The following MICU1 variants were observed in gnomAD, a reference collection of about 807,000 sequenced individuals.
The protein encoded by MICU1 is mitochondrial calcium uptake 1.
Under a neutral mutation model 56.8 loss-of-function variants are expected in MICU1, and 45 were observed. The ratio of observed to expected loss-of-function variants is 0.79; its 90% CI spans 0.62 to 1.02. The LOEUF is 1.02. Ranked by LOEUF, MICU1 falls within the 50% of genes least tolerant of loss-of-function variation. The pLI is 0.00. For synonymous variants in MICU1, 186 were observed against 195.1 expected, an observed-to-expected ratio of 0.95 and a Z score of 0.39; for missense variants, 504 against 587.1, an observed-to-expected ratio of 0.86 and a Z score of 1.46.
At chr10:72,586,013 CTTTTTTTTTTT>C (rs71021511) in intron 1 of MICU1, among the ~76,000 whole-genome samples, 10 of 74,682 alleles carry the variant, frequency 1.3e-4, no homozygotes, top group African/African-American at 3.9e-4. Flanking sequence ...TTTTTTTTTT[CTTTTTTTTTTT>C]TTTTTTTTGA....
At chr10:72,386,588 C>G (rs1431336964) in intron 10 of MICU1, among the ~76,000 whole-genome samples, 1 of 131,350 alleles carries the variant, frequency 7.6e-6, no homozygotes, top group Non-Finnish European at 1.6e-5. Context: ...GATACAGTGT[C>G]TCATTCTGTC....
intron 10 of MICU1, among the ~76,000 whole-genome samples, chr10:72,377,667 C>G (rs983650015): frequency 1.3e-5 from 2 of 152,090 alleles, no homozygotes; most frequent in Non-Finnish European, 2.9e-5. Context: ...GTTATTGCTT[C>G]TGGACACATT....
intron 1 of MICU1, among the ~76,000 whole-genome samples, chr10:72,616,605 ACT>A (rs986118986): frequency 6.8e-6 from 1 of 147,398 alleles, no homozygotes; most frequent in African/African-American, 2.5e-5. Context: ...AAAAAAAAAG[ACT>A]CTACATAATG....
chr10:72,414,731 T>C (rs1863928129), intron 9 of MICU1, among the ~76,000 whole-genome samples: 1 of 152,224 alleles, frequency 6.6e-6, no homozygotes, highest in Non-Finnish European at 1.5e-5. Context: ...TTAAAAAATA[T>C]GAAGCAGTCA....
intron 6 of MICU1, among the ~76,000 whole-genome samples, chr10:72,480,624 G>A (rs528742269): frequency 6.6e-6 from 1 of 152,324 alleles, no homozygotes; most frequent in Admixed American, 6.5e-5. Context: ...ATATCCAGAG[G>A]AATACAGCCC....
Position 72,475,248 on chromosome 10 carries a change from T to A in MICU1, c.785A>T (p.Asp262Val), listed in dbSNP as rs1472735320. Residue 262 changes from aspartate (D) to valine (V), a missense_variant, in exon 8 of 12, where the codon GAT becomes GTT. Coordinates refer to ENST00000361114, the MANE Select transcript of MICU1 (RefSeq NM_001195518.2). The part of the protein sequence containing the change: ...SQTSMGMRHR[D>V]RPTTGNTLKS... ...GAGGGTGTTGCCAGTAGTTGGACGA[T>A]CTCTGTGGCGCATACCCATACTGGT... The A allele has an allele frequency of 1.2e-6, 2 of 1,609,942 alleles. No homozygotes were observed. The highest frequency in any genetic ancestry group is 1.7e-6 in the Non-Finnish European group (2 of 1,177,956).
intron 1 of MICU1, among the ~76,000 whole-genome samples, chr10:72,584,967 A>T (rs1841006414): frequency 6.6e-6 from 1 of 152,234 alleles, no homozygotes; most frequent in South Asian, 2.1e-4. Context: ...ATTGACTTGC[A>T]CAAGGAAAAG....
At chr10:72,443,283 T>C (rs1343400524) in intron 8 of MICU1, among the ~76,000 whole-genome samples, 1 of 152,168 alleles carries the variant, frequency 6.6e-6, no homozygotes, top group African/African-American at 2.4e-5. Context: ...CTTTGTCAGA[T>C]GAGTAGGTTG....
chr10:72,456,564 A>T (rs1865463264), intron 8 of MICU1, among the ~76,000 whole-genome samples: 1 of 152,184 alleles, frequency 6.6e-6, no homozygotes, highest in South Asian at 2.1e-4. Flanking sequence ...AAGCTTTTAG[A>T]CGACTAAAAT....
In MICU1 at chr10:72,451,879, T is replaced by C. The variant is rs139433716; in HGVS notation, c.933+23221A>G. 2.8e-3 allele frequency among the ~76,000 whole-genome samples: 426 copies of C among 152,176 alleles called. 3 individuals are homozygous for C. Among genetic ancestry groups the C allele is most frequent in the African/African-American group, 9.7e-3 (403 of 41,512 alleles). ...CATTAGTTAGATATTTTCTTTCTTTTTTTGAGATGGAGTCTCTCTCTGTCA... is the reference window on the plus strand; with the variant it reads ...CATTAGTTAGATATTTTCTTTCTTTCTTTGAGATGGAGTCTCTCTCTGTCA... On this transcript the variant is annotated intron_variant, in intron 8 of 11. Coordinates refer to ENST00000361114, the MANE Select transcript of MICU1 (RefSeq NM_001195518.2).
chr10:72,488,777 T>C (rs951600794), intron 6 of MICU1, among the ~76,000 whole-genome samples: 1 of 152,168 alleles, frequency 6.6e-6, no homozygotes, highest in Non-Finnish European at 1.5e-5. Flanking sequence ...CAAAATGAAA[T>C]GTTTTTTGAG....
rs1840448069 is a variant in MICU1, at chr10:72,566,701, T to C, written c.93A>G (p.Arg31=). The C allele has an allele frequency of 3.1e-6, 5 of 1,612,888 alleles. No individual in the cohort carries two copies. Among genetic ancestry groups the C allele is most frequent in the East Asian group, 2.2e-5 (1 of 44,850 alleles). The change falls in exon 2 of 12, where the codon CGA becomes CGG. Residue 31 remains arginine, a synonymous_variant. Coordinates refer to ENST00000361114, the MANE Select transcript of MICU1 (RefSeq NM_001195518.2). ...HGGSQPIQIR[R]RLMMVAFLGA... ...CCAGGAAAGCCACCATCATTAGTCT[T>C]CGCCGGATCTGGATGGGCTGTGATC...
chr10:72,605,974 T>C (rs11000368), intron 1 of MICU1, among the ~76,000 whole-genome samples: 2 of 150,564 alleles, frequency 1.3e-5, no homozygotes, highest in Non-Finnish European at 3.0e-5. Context: ...CTACTAAAAA[T>C]AAAAAAATTG....
At chr10:72,498,542 C>T (rs962759094) in intron 6 of MICU1, among the ~76,000 whole-genome samples, 4 of 151,938 alleles carry the variant, frequency 2.6e-5, no homozygotes, top group Non-Finnish European at 5.9e-5. Context: ...CTTGAGATAG[C>T]GCCATTGCAC....
intron 1 of MICU1, among the ~76,000 whole-genome samples, chr10:72,608,829 A>G (rs913002983): frequency 5.3e-5 from 8 of 152,334 alleles, no homozygotes; most frequent in African/African-American, 1.9e-4. Flanking sequence ...CCAACTGTTC[A>G]AACCAAGTTC....
At chr10:72,551,859 C>T (rs79431495) in intron 3 of MICU1, among the ~76,000 whole-genome samples, 1,796 of 152,222 alleles carry the variant, frequency 0.012, 22 homozygotes, top group Non-Finnish European at 0.016. Context: ...TGGCCTCAAA[C>T]TCCTGGGCTC....
chr10:72,590,114 A>T (rs1392580771), intron 1 of MICU1, among the ~76,000 whole-genome samples: 2 of 152,176 alleles, frequency 1.3e-5, no homozygotes, highest in Admixed American at 1.3e-4. Context: ...TACTGGCAAA[A>T]CAGATTTTTT....
chr10:72,392,683 T>C (rs58433998), intron 10 of MICU1, among the ~76,000 whole-genome samples: 10,907 of 152,304 alleles, frequency 0.072, 1,339 homozygotes, highest in African/African-American at 0.25. Context: ...ACTTCAGAAC[T>C]TCTGCTCTTA....
At chr10:72,427,596 T>C (rs1864385583) in intron 8 of MICU1, among the ~76,000 whole-genome samples, 1 of 151,940 alleles carries the variant, frequency 6.6e-6, no homozygotes. Flanking sequence ...TCATACAAGT[T>C]TTCAGAATGA....
Sources: allele counts gnomAD v4.1 joint callset (sites outside exome capture counted in the v4.1 genomes callset), GRCh38; gene constraint gnomAD v4.1.1; transcripts MANE v1.5; gene names NCBI Gene and HGNC (gene_info 2026-07-23, HGNC 2026-07-21).